Variants in RBFOX1 observed in about 807,000 individuals in gnomAD.
RBFOX1 encodes RNA binding fox-1 homolog 1.
Under a neutral mutation model 57.7 loss-of-function variants are expected in RBFOX1, and 8 were observed. The ratio of observed to expected loss-of-function variants is 0.14; its 90% CI spans 0.08 to 0.25. RBFOX1 has a LOEUF of 0.25. Ranked by LOEUF, RBFOX1 falls within the 10% of genes least tolerant of loss-of-function variation. The pLI, the probability that RBFOX1 is intolerant of heterozygous loss-of-function variation, is 1.00. For missense variants in RBFOX1, 611 were observed against 548.5 expected, an observed-to-expected ratio of 1.11 and a Z score of -1.14; for synonymous variants, 326 against 222.4, an observed-to-expected ratio of 1.47 and a Z score of -4.15.
chr16:5,282,082 G>A (rs925816943), intron 1 of RBFOX1, among the ~76,000 whole-genome samples: 1 of 152,156 alleles, frequency 6.6e-6, no homozygotes, highest in African/African-American at 2.4e-5. Context: ...TGTGGCGGCA[G>A]GTCTTTACCA....
chr16:6,139,200 G>A (rs1489080932), intron 1 of RBFOX1, among the ~76,000 whole-genome samples: 1 of 152,110 alleles, frequency 6.6e-6, no homozygotes, highest in African/African-American at 2.4e-5. Context: ...CTGAATCCAA[G>A]GACATCCCCT....
chr16:6,421,445 T>C (rs2093768463), intron 2 of RBFOX1, among the ~76,000 whole-genome samples: 1 of 152,232 alleles, frequency 6.6e-6, no homozygotes, highest in South Asian at 2.1e-4. Context: ...TTAAGGAGGT[T>C]ATGAATTCTG....
At chr16:7,166,388 G>A (rs1355058411) in intron 4 of RBFOX1, among the ~76,000 whole-genome samples, 1 of 152,092 alleles carries the variant, frequency 6.6e-6, no homozygotes, top group Non-Finnish European at 1.5e-5. Context: ...AGGTTCTGAG[G>A]GAGTGGGTTG....
Position 7,597,377 on chromosome 16 carries a change from A to T in RBFOX1, c.568A>T (p.Asn190Tyr). 1 of 1,609,748 alleles carries T rather than the reference A, an allele frequency of 6.2e-7. No individual in the cohort carries two copies. ...GAGTTTTCTATGTACATAGGTAAAT[A>T]ATGCCACAGCACGTGTAATGACAAA... ...VVEGRKIEVN[N>Y]ATARVMTNKK... The change falls in exon 9 of 16, where the codon AAT (asparagine) becomes TAT (tyrosine). Residue 190 changes from asparagine to tyrosine, a missense_variant. Transcript: ENST00000550418.
intron 3 of RBFOX1, among the ~76,000 whole-genome samples, chr16:5,692,748 C>T (rs1457794776): frequency 1.3e-5 from 2 of 152,018 alleles, no homozygotes; most frequent in East Asian, 1.9e-4. Flanking sequence ...AGCAAACCTG[C>T]CGGGATCATC....
At chr16:5,737,422 G>A (rs1314199407) in intron 3 of RBFOX1, among the ~76,000 whole-genome samples, 1 of 152,036 alleles carries the variant, frequency 6.6e-6, no homozygotes, top group Non-Finnish European at 1.5e-5. Context: ...GGAGGTGGAG[G>A]TTGCAGTGAG....
intron 1 of RBFOX1, among the ~76,000 whole-genome samples, chr16:5,439,560 C>T (rs961166406): frequency 1.3e-5 from 2 of 151,848 alleles, no homozygotes; most frequent in Admixed American, 6.6e-5. Context: ...TGTTTGTGAA[C>T]TGGGCATGAG....
intron 5 of RBFOX1, among the ~76,000 whole-genome samples, chr16:7,563,704 G>C (rs1444130199): frequency 1.3e-5 from 2 of 152,090 alleles, no homozygotes; most frequent in East Asian, 1.9e-4. Context: ...TCCTGACCTC[G>C]TGATCCACCC....
chr16:5,626,761 G>T lies in RBFOX1; in HGVS notation c.318+27800G>T, dbSNP rs143888512. On this transcript the variant is annotated intron_variant, in intron 3 of 19. Coordinates refer to the RBFOX1 transcript ENST00000641259. ...ATAGATCTTGTGACTGGGACTGAAGGTTCAACCAGGGTTTTAAAAAAAAAA... is the reference window on the plus strand; with the variant it reads ...ATAGATCTTGTGACTGGGACTGAAGTTTCAACCAGGGTTTTAAAAAAAAAA... 4.8e-3 allele frequency among the ~76,000 whole-genome samples: 735 copies of T among 152,004 alleles called. 2 individuals carry two copies. The highest frequency in any genetic ancestry group is 0.017 in the African/African-American group (691 of 41,450).
chr16:6,616,436 G>T (rs2098141963), intron 2 of RBFOX1, among the ~76,000 whole-genome samples: 1 of 151,856 alleles, frequency 6.6e-6, no homozygotes, highest in Admixed American at 6.5e-5. Context: ...CAACACTTCA[G>T]GAGGCCGAGG....
intron 4 of RBFOX1, among the ~76,000 whole-genome samples, chr16:5,941,559 G>A (rs2059278531): frequency 6.6e-6 from 1 of 151,944 alleles, no homozygotes; most frequent in Non-Finnish European, 1.5e-5. Context: ...CATGAGAGCA[G>A]AAATTGTGCT....
chr16:7,036,180 A>G (rs771123870), intron 3 of RBFOX1, among the ~76,000 whole-genome samples: 5 of 148,434 alleles, frequency 3.4e-5, no homozygotes, highest in Non-Finnish European at 7.4e-5. Flanking sequence ...AATTGGTCCC[A>G]TGGGACTTAG....
At chr16:6,326,888 G>A (rs558869198) in intron 2 of RBFOX1, among the ~76,000 whole-genome samples, 3 of 152,258 alleles carry the variant, frequency 2.0e-5, no homozygotes, top group African/African-American at 7.2e-5. Flanking sequence ...GCTCCAGGAA[G>A]GGAAATCTCC....
At chr16:5,515,085 C>G (rs1420195065) in intron 2 of RBFOX1, among the ~76,000 whole-genome samples, 3 of 152,172 alleles carry the variant, frequency 2.0e-5, no homozygotes, top group Admixed American at 6.5e-5. Flanking sequence ...AGAACAAGAA[C>G]TCATTTATTA....
intron 2 of RBFOX1, among the ~76,000 whole-genome samples, chr16:6,535,850 C>G (rs1380299506): frequency 6.6e-6 from 1 of 152,296 alleles, no homozygotes; most frequent in East Asian, 1.9e-4. Context: ...CTCTTTTTCT[C>G]AATAGTGGCA....
chr16:6,802,832 A>G (rs1403681245), intron 3 of RBFOX1, among the ~76,000 whole-genome samples: 1 of 152,214 alleles, frequency 6.6e-6, no homozygotes, highest in Non-Finnish European at 1.5e-5. Context: ...CTTGGCTATG[A>G]AGAATTTTAT....
chr16:7,219,672 G>A (rs2092569467), intron 4 of RBFOX1, among the ~76,000 whole-genome samples: 1 of 152,198 alleles, frequency 6.6e-6, no homozygotes, highest in African/African-American at 2.4e-5. Flanking sequence ...TGGCTCCTCT[G>A]CCGTATAGAT....
intron 3 of RBFOX1, among the ~76,000 whole-genome samples, chr16:6,943,180 C>A (rs910246316): frequency 6.6e-6 from 1 of 152,198 alleles, no homozygotes; most frequent in African/African-American, 2.4e-5. Flanking sequence ...CTCCACAGAC[C>A]TGAGCTTGGC....
At chr16:6,338,627 G>A (rs2084094340) in intron 2 of RBFOX1, among the ~76,000 whole-genome samples, 1 of 152,106 alleles carries the variant, frequency 6.6e-6, no homozygotes, top group African/African-American at 2.4e-5. Context: ...TACTTTAAAG[G>A]TTAGAAATCC....
Sources: allele counts gnomAD v4.1 joint callset (sites outside exome capture counted in the v4.1 genomes callset), GRCh38; gene constraint gnomAD v4.1.1; transcripts MANE v1.5; gene names NCBI Gene and HGNC (gene_info 2026-07-23, HGNC 2026-07-21).